SLC49A4: variants seen among roughly 807,000 people sequenced by gnomAD.
The protein encoded by SLC49A4 is solute carrier family 49 member 4, also known as disrupted in renal cancer protein 2.
Under a neutral mutation model 50.6 loss-of-function variants are expected in SLC49A4, and 36 were observed. The ratio of observed to expected loss-of-function variants is 0.71; its 90% confidence interval spans 0.55 to 0.94. The LOEUF (loss-of-function observed/expected upper bound fraction) is 0.94. Among genes scored for constraint, SLC49A4 ranks in the 40% least tolerant of loss-of-function variants. The pLI, the probability that SLC49A4 is intolerant of heterozygous loss-of-function variation, is 0.00. For synonymous variants in SLC49A4, 248 were observed against 241.2 expected (o/e 1.03, Z -0.26); for missense variants, 503 against 605.7 (o/e 0.83, Z 1.78).
intron 2 of SLC49A4, among the ~76,000 whole-genome samples, chr3:122,825,027 C>T (rs1936507752): frequency 6.6e-6 from 1 of 152,154 alleles, no homozygotes. Flanking sequence ...GCCACTGTTC[C>T]CAGCCAGGAG....
At chr3:122,817,214 G>T (rs1033306561) in intron 2 of SLC49A4, among the ~76,000 whole-genome samples, 3 of 152,212 alleles carry the variant, frequency 2.0e-5, no homozygotes, top group African/African-American at 7.2e-5. Context: ...AAGGTAGATA[G>T]ATTTGAGGAA....
In SLC49A4 at chr3:122,813,240, C is replaced by CA. The variant is rs71621692; in HGVS notation, c.437+6306dup. 4.1e-3 allele frequency among the ~76,000 whole-genome samples: 345 copies of CA among 85,138 alleles called. 2 individuals carry two copies. Among genetic ancestry groups the CA allele is most frequent in the South Asian group, 0.012 (30 of 2,592 alleles). 55.9% of individuals were successfully genotyped at this position (85,138 alleles called of 152,430 possible). A position where few individuals can be genotyped will look rare whatever the true frequency, so the allele number is the denominator to read the frequency against. ...TGGGCGATAGAGCGAGACTCTGTCTCAAAAAAAAAAAAAAAAGCTGTGTAA... is the reference window on the plus strand; with the variant it reads ...TGGGCGATAGAGCGAGACTCTGTCTCAAAAAAAAAAAAAAAAAGCTGTGTAA... On this transcript the variant is annotated intron_variant, in intron 2 of 8. Transcript: ENST00000261038.
intron 4 of SLC49A4, among the ~76,000 whole-genome samples, chr3:122,844,984 G>C (rs372850267): frequency 1.1e-4 from 17 of 151,636 alleles, no homozygotes; most frequent in African/African-American, 3.6e-4. Flanking sequence ...TAACTTTTAG[G>C]CTCAGGGTAC....
chr3:122,816,157 A>G (rs1936364825), intron 2 of SLC49A4, among the ~76,000 whole-genome samples: 1 of 152,066 alleles, frequency 6.6e-6, no homozygotes, highest in Non-Finnish European at 1.5e-5. Context: ...TATCACCCTT[A>G]ACCTAATTTT....
chr3:122,822,920 C>T (rs531231800), intron 2 of SLC49A4, among the ~76,000 whole-genome samples: 1 of 152,218 alleles, frequency 6.6e-6, no homozygotes, highest in South Asian at 2.1e-4. Context: ...CTCTCCTTGC[C>T]ATATATATTG....
intron 7 of SLC49A4, among the ~76,000 whole-genome samples, chr3:122,871,778 A>T (rs1937199726): frequency 6.6e-6 from 1 of 152,178 alleles, no homozygotes; most frequent in Non-Finnish European, 1.5e-5. Flanking sequence ...AGACTTTGCC[A>T]CAGAATAGTG....
At chr3:122,835,182 A>G in intron 4 of SLC49A4, among the ~76,000 whole-genome samples, 1 of 152,170 alleles carries the variant, frequency 6.6e-6, no homozygotes, top group East Asian at 1.9e-4. Flanking sequence ...AAGATTGAGA[A>G]AGCAGGAATC....
chr3:122,821,045 C>T (rs1007345204), intron 2 of SLC49A4, among the ~76,000 whole-genome samples: 6 of 152,190 alleles, frequency 3.9e-5, no homozygotes, highest in Non-Finnish European at 5.9e-5. Flanking sequence ...GTGTGAGTGT[C>T]GTGAGATCTG....
At chr3:122,879,219 G>A in intron 8 of SLC49A4, 44 bp from the exon 9 acceptor site, 1 of 1,388,094 alleles carries the variant, frequency 7.2e-7, no homozygotes, top group Non-Finnish European at 1.0e-6. Context: ...TGGTCTGCTG[G>A]TGATACATGA....
intron 3 of SLC49A4, among the ~76,000 whole-genome samples, chr3:122,830,416 T>C (rs531264418): frequency 7.9e-5 from 12 of 152,270 alleles, no homozygotes; most frequent in Admixed American, 2.0e-4. Context: ...ACAAAACTTA[T>C]TACAAAGCTA....
chr3:122,825,057 T>C (rs1345905916), intron 2 of SLC49A4, among the ~76,000 whole-genome samples: 1 of 152,088 alleles, frequency 6.6e-6, no homozygotes, highest in Non-Finnish European at 1.5e-5. Flanking sequence ...CTTATCAGTC[T>C]TTTTGTTTGT....
At chr3:122,804,942 C>T (rs1315546585) in intron 1 of SLC49A4, among the ~76,000 whole-genome samples, 1 of 152,136 alleles carries the variant, frequency 6.6e-6, no homozygotes, top group African/African-American at 2.4e-5. Context: ...ACCATATGGC[C>T]ATAAACAGTG....
chr3:122,796,281 T>C (rs1217391908), intron 1 of SLC49A4, among the ~76,000 whole-genome samples: 1 of 152,218 alleles, frequency 6.6e-6, no homozygotes, highest in East Asian at 1.9e-4. Flanking sequence ...CAGTCTACCC[T>C]CAAGAGGCTG....
At chr3:122,866,968 C>T (rs939423620) in intron 7 of SLC49A4, among the ~76,000 whole-genome samples, 3 of 152,054 alleles carry the variant, frequency 2.0e-5, no homozygotes, top group Non-Finnish European at 4.4e-5. Flanking sequence ...GTTGCTGGGG[C>T]AGCAGGTGTC....
At chr3:122,869,255 C>A (rs1041138892) in intron 7 of SLC49A4, among the ~76,000 whole-genome samples, 3 of 152,034 alleles carry the variant, frequency 2.0e-5, no homozygotes, top group Admixed American at 1.3e-4. Flanking sequence ...AAAGGCAAAT[C>A]TGATTGCCAG....
At chr3:122,833,930 G>A (rs1487078160) in intron 4 of SLC49A4, among the ~76,000 whole-genome samples, 1 of 152,038 alleles carries the variant, frequency 6.6e-6, no homozygotes, top group African/African-American at 2.4e-5. Context: ...TTTTCTGTAC[G>A]AGCAGTAGGA....
chr3:122,840,035 A>T (rs968224543), intron 4 of SLC49A4, among the ~76,000 whole-genome samples: 1 of 152,222 alleles, frequency 6.6e-6, no homozygotes, highest in Admixed American at 6.5e-5. Context: ...GTGTATATAC[A>T]CCATAGAATA....
intron 8 of SLC49A4, among the ~76,000 whole-genome samples, chr3:122,873,273 G>A (rs1338487407): frequency 2.6e-5 from 4 of 151,740 alleles, no homozygotes; most frequent in Admixed American, 6.6e-5. Context: ...TCTGCCTCCC[G>A]GGCTAAAGCG....
intron 4 of SLC49A4, among the ~76,000 whole-genome samples, chr3:122,837,983 A>C (rs1170358814): frequency 6.6e-6 from 1 of 152,146 alleles, no homozygotes; most frequent in Non-Finnish European, 1.5e-5. Flanking sequence ...GCCATCAGAG[A>C]AATGCAAATC....
Sources: gnomAD v4.1 joint callset for allele counts (sites outside exome capture counted in the v4.1 genomes callset) on GRCh38, gnomAD v4.1.1 for gene constraint, MANE v1.5 for transcripts, NCBI Gene and HGNC (gene_info 2026-07-23, HGNC 2026-07-21) for gene names.